Variants in PTPRJ observed in about 807,000 individuals in gnomAD.
The protein encoded by PTPRJ is receptor-type tyrosine-protein phosphatase eta.
In PTPRJ, 129 loss-of-function variants were observed where a neutral mutation model predicts 141.3. That is an observed-to-expected ratio of 0.91 (90% CI 0.79 to 1.06). PTPRJ has a LOEUF of 1.06. PTPRJ is among the 50% of genes least tolerant of loss of function. The pLI, the probability that PTPRJ is intolerant of heterozygous loss-of-function variation, is 0.00. For missense variants in PTPRJ, 1,601 were observed against 1,679.7 expected, an observed-to-expected ratio of 0.95 and a Z score of 0.82; for synonymous variants, 610 against 640.5, an observed-to-expected ratio of 0.95 and a Z score of 0.72.
intron 1 of PTPRJ, among the ~76,000 whole-genome samples, chr11:48,086,708 G>A (rs187472831): frequency 1.6e-4 from 25 of 152,276 alleles, no homozygotes; most frequent in African/African-American, 6.0e-4. Context: ...TGCGTCTCTC[G>A]ACTGACCAGT....
At chr11:48,136,849 T>G (rs538138707) in intron 9 of PTPRJ, among the ~76,000 whole-genome samples, 154 bp from the exon 10 acceptor site, 6 of 152,306 alleles carry the variant, frequency 3.9e-5, no homozygotes, top group African/African-American at 1.4e-4. Flanking sequence ...TTTCTTGATG[T>G]GTTTTTGGGA....
intron 21 of PTPRJ, among the ~76,000 whole-genome samples, chr11:48,159,598 G>GA (rs1401725080): frequency 1.3e-5 from 2 of 152,130 alleles, no homozygotes; most frequent in African/African-American, 2.4e-5. Flanking sequence ...ATTAAAAAAA[G>GA]AAAAAACAAT....
In PTPRJ at chr11:48,082,530, C is replaced by G. The variant is rs377022067; in HGVS notation, c.97-27528C>G. ...TCCTGGGCTTAAGCCATTCTCCTGC[C>G]TCACCCTTTGAGCCTCCTTAATTTT... On this transcript the variant is annotated intron_variant, in intron 1 of 24. Transcript: ENST00000418331. 3.6e-4 allele frequency among the ~76,000 whole-genome samples: 54 copies of G among 151,406 alleles called. No homozygotes were observed. In the South Asian group the frequency reaches 0.011, roughly 30 times the overall value.
At position 48,127,958 on chromosome 11, in the gene PTPRJ, C is replaced by A. The variant is rs1373382779; in HGVS notation, c.1272C>A (p.Leu424=). 5.6e-6 allele frequency: 9 copies of A among 1,614,080 alleles called. No individual in the cohort carries two copies. Among genetic ancestry groups the A allele is most frequent in the Middle Eastern group, 1.6e-4 (1 of 6,084 alleles). The part of the protein sequence containing the change: ...VSEPRAVIPG[L]RSSTFYNITV... Reference sequence around the variant, plus strand: ...AGCCTCGCGCTGTCATCCCCGGACTCCGCTCCAGCACCTTCTACAACATCA... The same window carrying A: ...AGCCTCGCGCTGTCATCCCCGGACTACGCTCCAGCACCTTCTACAACATCA... The change falls in exon 7 of 25, where the codon CTC becomes CTA. Residue 424 remains leucine (L), a synonymous_variant. Transcript: ENST00000418331.
chr11:48,151,251 C>A (rs1243933606), intron 18 of PTPRJ, among the ~76,000 whole-genome samples: 1 of 152,004 alleles, frequency 6.6e-6, no homozygotes, highest in African/African-American at 2.4e-5. Context: ...CCCTTCCTTG[C>A]CTCCGCAGCT....
At chr11:48,058,810 T>A (rs1358673380) in intron 1 of PTPRJ, among the ~76,000 whole-genome samples, 2 of 152,172 alleles carry the variant, frequency 1.3e-5, no homozygotes, top group Non-Finnish European at 2.9e-5. Context: ...AGTGATTCCC[T>A]GGCACGCCGA....
chr11:48,131,408 C>T (rs1856982297), intron 8 of PTPRJ: 8 of 703,308 alleles, frequency 1.1e-5, no homozygotes, highest in Non-Finnish European at 2.6e-6. Context: ...ATTTCTTTCA[C>T]AAACATTGAG....
At chr11:48,139,836 C>G in intron 11 of PTPRJ, 60 bp downstream of exon 11, 9 of 1,554,896 alleles carry the variant, frequency 5.8e-6, no homozygotes, top group Non-Finnish European at 7.9e-6. Flanking sequence ...AGCGGCTGAC[C>G]CACAGTGGGT....
chr11:48,087,019 AAC>A (rs1269828620), intron 1 of PTPRJ, among the ~76,000 whole-genome samples: 2 of 152,218 alleles, frequency 1.3e-5, no homozygotes, highest in African/African-American at 4.8e-5. Flanking sequence ...TAATAATAAT[AAC>A]ACAATGTATC....
At chr11:48,091,338 A>G (rs1855861876) in intron 1 of PTPRJ, among the ~76,000 whole-genome samples, 1 of 152,228 alleles carries the variant, frequency 6.6e-6, no homozygotes, top group Non-Finnish European at 1.5e-5. Flanking sequence ...GGAAGAGCTC[A>G]GTAGAAGCTT....
intron 15 of PTPRJ, among the ~76,000 whole-genome samples, chr11:48,148,855 G>A (rs528209920): frequency 6.6e-6 from 1 of 152,012 alleles, no homozygotes; most frequent in Non-Finnish European, 1.5e-5. Context: ...ACTTATCCTT[G>A]TGCCTAAATC....
intron 1 of PTPRJ, among the ~76,000 whole-genome samples, chr11:48,064,068 G>A (rs551445367): frequency 6.6e-6 from 1 of 151,892 alleles, no homozygotes; most frequent in Admixed American, 6.6e-5. Context: ...AAGTTGTTTC[G>A]TTTTAGAGGT....
intron 16 of PTPRJ, 140 bp from the exon 17 acceptor site, chr11:48,149,850 G>C (rs1857437563): frequency 1.6e-6 from 1 of 623,180 alleles, no homozygotes. Flanking sequence ...TTAGTGTTTT[G>C]TGAATAATAG....
chr11:48,064,893 T>G (rs1855042519), intron 1 of PTPRJ, among the ~76,000 whole-genome samples: 1 of 151,872 alleles, frequency 6.6e-6, no homozygotes, highest in African/African-American at 2.4e-5. Context: ...AGTGCTAGGA[T>G]TACAGGCGTG....
chr11:48,137,451 A>T (rs1327855724), intron 10 of PTPRJ, among the ~76,000 whole-genome samples, 170 bp downstream of exon 10: 1 of 152,170 alleles, frequency 6.6e-6, no homozygotes, highest in African/African-American at 2.4e-5. Flanking sequence ...TGCCCTCATC[A>T]TTTCTGCATT....
At chr11:48,113,070 T>C in intron 3 of PTPRJ, 87 bp downstream of exon 3, 1 of 1,140,046 alleles carries the variant, frequency 8.8e-7, no homozygotes, top group Non-Finnish European at 1.2e-6. Context: ...ACTGTTCTTC[T>C]TTTAATTACC....
At chr11:48,017,907 C>T (rs1854992088) in intron 1 of PTPRJ, among the ~76,000 whole-genome samples, 1 of 152,190 alleles carries the variant, frequency 6.6e-6, no homozygotes, top group African/African-American at 2.4e-5. Context: ...GTTTTCAAAA[C>T]ACTTTATCAG....
intron 1 of PTPRJ, among the ~76,000 whole-genome samples, chr11:48,072,887 T>C (rs1855298843): frequency 1.3e-5 from 2 of 152,216 alleles, no homozygotes; most frequent in South Asian, 4.1e-4. Context: ...TGGATAGTAT[T>C]ACATAGGGTG....
chr11:48,124,906 G>A lies in PTPRJ; in HGVS notation c.875-62G>A. On this transcript the variant is annotated intron_variant, in intron 5 of 24. Coordinates refer to ENST00000418331, the MANE Select transcript of PTPRJ (RefSeq NM_002843.4). ...CATCTGATGGGGTTGGGGCTCCGAA[G>A]GAAAATGGGGGATGTGTCCCTCTTG... The A allele has an allele frequency of 2.6e-6, 4 of 1,551,064 alleles. 1 individual carries two copies. The South Asian group carries it at 4.5e-5, about 17-fold the overall frequency.
Sources: allele counts gnomAD v4.1 joint callset (sites outside exome capture counted in the v4.1 genomes callset), GRCh38; gene constraint gnomAD v4.1.1; transcripts MANE v1.5; gene names NCBI Gene and HGNC (gene_info 2026-07-23, HGNC 2026-07-21).